The following KCNK10 variants were observed in gnomAD, a reference collection of about 807,000 sequenced individuals.
KCNK10 encodes potassium two pore domain channel subfamily K member 10, also known as potassium channel subfamily K member 10.
KCNK10 carries 25 observed loss-of-function variants against 47.7 expected under a neutral mutation model. The ratio of observed to expected loss-of-function variants is 0.52; its 90% CI spans 0.38 to 0.73. KCNK10 has a LOEUF of 0.73. Among genes scored for constraint, KCNK10 ranks in the 30% least tolerant of loss-of-function variants. The pLI is 0.00. For synonymous variants in KCNK10, 303 were observed against 285.6 expected (o/e 1.06, Z -0.61); for missense variants, 563 against 714.5 (o/e 0.79, Z 2.42).
rs141387343 is a variant in KCNK10, at chr14:88,228,033, C to T, written c.521-498G>A. ...GTCTAGTACAAGGTTAGAAAGGACTCATGAATTGTACAGCCTTACCCTGGG... is the reference window on the plus strand; with the variant it reads ...GTCTAGTACAAGGTTAGAAAGGACTTATGAATTGTACAGCCTTACCCTGGG... On this transcript the variant is annotated intron_variant, in intron 3 of 6. Coordinates refer to ENST00000319231, the MANE Select transcript of KCNK10 (RefSeq NM_138317.3). Among the ~76,000 whole-genome samples the T allele has an allele frequency of 3.6e-3, 550 of 152,258 alleles. 2 individuals are homozygous for T. Among genetic ancestry groups the T allele is most frequent in the Middle Eastern group, 6.8e-3 (2 of 294 alleles).
intron 4 of KCNK10, among the ~76,000 whole-genome samples, chr14:88,218,416 T>C (rs1464949916): frequency 1.3e-5 from 2 of 152,200 alleles, no homozygotes; most frequent in Non-Finnish European, 2.9e-5. Flanking sequence ...CTTAAACATG[T>C]GGCCTGTTCT....
At chr14:88,295,979 C>T (rs1887977382) in intron 1 of KCNK10, among the ~76,000 whole-genome samples, 1 of 152,176 alleles carries the variant, frequency 6.6e-6, no homozygotes. Context: ...ATGCTACCAG[C>T]TCCTTCTCTG....
chr14:88,303,108 T>C (rs1332080116), intron 1 of KCNK10, among the ~76,000 whole-genome samples: 3 of 152,116 alleles, frequency 2.0e-5, no homozygotes, highest in Non-Finnish European at 4.4e-5. Flanking sequence ...AGAGGCTACT[T>C]CACTCCCTTC....
At chr14:88,325,647 G>A (rs534456194), upstream of KCNK10, among the ~76,000 whole-genome samples, 2 of 151,170 alleles carry the variant, frequency 1.3e-5, no homozygotes, top group South Asian at 4.2e-4. Context: ...GGTTCGTTTG[G>A]GTAATGAAGG....
At chr14:88,314,252 A>C (rs12589049) in intron 1 of KCNK10, among the ~76,000 whole-genome samples, 29,694 of 151,896 alleles carry the variant, frequency 0.2, 3,074 homozygotes, top group East Asian at 0.28. Flanking sequence ...GATTAGGATT[A>C]GTGCACTTAT....
chr14:88,197,573 A>T (rs946460915), intron 4 of KCNK10, among the ~76,000 whole-genome samples: 1 of 48,574 alleles, frequency 2.1e-5, no homozygotes, highest in Non-Finnish European at 3.6e-5. Context: ...GACTCCGACT[A>T]AAAAAAAAAA....
At chr14:88,215,410 A>G (rs1885585523) in intron 4 of KCNK10, among the ~76,000 whole-genome samples, 1 of 152,162 alleles carries the variant, frequency 6.6e-6, no homozygotes, top group Non-Finnish European at 1.5e-5. Flanking sequence ...ATGAGAACTC[A>G]CTATCACAAG....
intron 3 of KCNK10, among the ~76,000 whole-genome samples, chr14:88,228,906 T>C (rs530370780): frequency 6.6e-6 from 1 of 152,316 alleles, no homozygotes; most frequent in East Asian, 1.9e-4. Context: ...CAGAACTTTT[T>C]TCAGGTACTT....
chr14:88,218,715 G>C (rs1417699450), intron 4 of KCNK10, among the ~76,000 whole-genome samples: 1 of 152,082 alleles, frequency 6.6e-6, no homozygotes, highest in Non-Finnish European at 1.5e-5. Context: ...TCCAGAATTT[G>C]ACTGGTTTTC....
At position 88,183,742 on chromosome 14, in the gene KCNK10, T is replaced by C. The variant is rs1884445795; in HGVS notation, c.*1793A>G. 1 of 152,358 alleles carries C rather than the reference T, an allele frequency of 6.6e-6. No individual in the cohort carries two copies. Among genetic ancestry groups the C allele is most frequent in the African/African-American group, 2.4e-5 (1 of 41,440 alleles). The allele number at this position is 152,358 out of a possible 1,614,324, so 9.4% of individuals were successfully genotyped here. The stretch of plus-strand genomic sequence containing the variant: ...GACAGGGAGATGGGACTTCATGTGC[T>C]CCAGGCAGGGAAGAGCTGTGCATTT... On this transcript the variant is annotated 3_prime_UTR_variant, in exon 7 of 7. Transcript: ENST00000319231.
At chr14:88,227,656 C>T in intron 3 of KCNK10, 121 bp from the exon 4 acceptor site, 1 of 812,360 alleles carries the variant, frequency 1.2e-6, no homozygotes, top group South Asian at 2.2e-5. Flanking sequence ...GGGAGTAGAA[C>T]TTCATTTCAA....
intron 4 of KCNK10, among the ~76,000 whole-genome samples, chr14:88,205,895 T>C (rs191116881): frequency 6.6e-6 from 1 of 152,270 alleles, no homozygotes; most frequent in East Asian, 1.9e-4. Flanking sequence ...CAAGAAAATA[T>C]GAGAGTACTG....
chr14:88,204,255 A>C (rs1249042455), intron 4 of KCNK10, among the ~76,000 whole-genome samples: 1 of 152,184 alleles, frequency 6.6e-6, no homozygotes. Context: ...AAATAACAGC[A>C]CTGTGCCCTT....
chr14:88,257,037 G>A (rs1163821763), intron 2 of KCNK10, among the ~76,000 whole-genome samples: 1 of 152,190 alleles, frequency 6.6e-6, no homozygotes, highest in Non-Finnish European at 1.5e-5. Flanking sequence ...AGGCCATGCA[G>A]GGATATGCAG....
At chr14:88,309,275 G>A (rs1179620152) in intron 1 of KCNK10, among the ~76,000 whole-genome samples, 9 of 152,148 alleles carry the variant, frequency 5.9e-5, no homozygotes, top group Non-Finnish European at 7.3e-5. Flanking sequence ...GCTCTTTCTC[G>A]ATTCTTTTTC....
chr14:88,186,811 T>C lies in KCNK10; in HGVS notation c.1012-656A>G, dbSNP rs1399343144. Among the ~76,000 whole-genome samples, 1 of 152,142 alleles carries C rather than the reference T, an allele frequency of 6.6e-6. No homozygotes were observed. The highest frequency in any genetic ancestry group is 2.4e-5 in the African/African-American group (1 of 41,434). ...GGCTTTCCCTGGTTTAAGAAGATGC[T>C]CCAGGGCACCTGGTAACCCACTTCC... On this transcript the variant is annotated intron_variant, in intron 6 of 6. Transcript: ENST00000319231. The surrounding 1 kb of genome is among the most constrained non-coding windows in gnomAD (Gnocchi z 5.5).
In KCNK10 at chr14:88,186,248, A is replaced by C; in HGVS notation, c.1012-93T>G. 1 of 1,417,586 alleles carries C rather than the reference A, an allele frequency of 7.1e-7. No homozygotes were observed. Among genetic ancestry groups the C allele is most frequent in the Non-Finnish European group, 9.4e-7 (1 of 1,067,754 alleles). 87.8% of individuals were successfully genotyped at this position (1,417,586 alleles called of 1,614,324 possible). A position where few individuals can be genotyped will look rare whatever the true frequency, so the allele number is the denominator to read the frequency against. ...ACAGCCCTCGGGTGTCCCCACGGGG[A>C]GGCCAGGAGGTGACGGAGCACATGC... is the stretch of plus-strand genomic sequence containing the variant. On this transcript the variant is annotated intron_variant, in intron 6 of 6. Transcript: ENST00000319231. This position sits in a 1 kb window ranked among gnomAD's most constrained non-coding sequence, Gnocchi z 5.5.
intron 4 of KCNK10, among the ~76,000 whole-genome samples, chr14:88,200,105 CTT>C (rs66553573): frequency 0.029 from 4,149 of 142,546 alleles, 210 homozygotes; most frequent in African/African-American, 0.1. Flanking sequence ...CTTTTTTTCT[CTT>C]TCTTTCCATA....
intron 2 of KCNK10, among the ~76,000 whole-genome samples, chr14:88,250,038 G>A (rs1037302688): frequency 3.0e-4 from 46 of 152,108 alleles, no homozygotes; most frequent in African/African-American, 1.1e-3. Context: ...CACTCTAAAG[G>A]AGAACAAACC....
Sources: gnomAD v4.1 joint callset for allele counts (sites outside exome capture counted in the v4.1 genomes callset) on GRCh38, gnomAD v4.1.1 for gene constraint, Gnocchi (gnomAD v3.1) non-coding constraint, MANE v1.5 for transcripts, NCBI Gene and HGNC (gene_info 2026-07-23, HGNC 2026-07-21) for gene names.